Variants in TMEFF2 observed in about 807,000 individuals in gnomAD.
TMEFF2 encodes tomoregulin-2.
TMEFF2 carries 28 observed loss-of-function variants against 53.8 expected under a neutral mutation model. That is an observed-to-expected ratio of 0.52 (90% CI 0.39 to 0.71). The LOEUF (loss-of-function observed/expected upper bound fraction) is 0.71, where lower values mean the gene tolerates loss of function less well. Ranked by LOEUF, TMEFF2 falls within the 30% of genes least tolerant of loss-of-function variation. The probability of loss-of-function intolerance (pLI) is 0.00; values close to 1 mark genes in which losing one functional copy is unlikely to be tolerated. For synonymous variants in TMEFF2, 162 were observed against 166.3 expected, an observed-to-expected ratio of 0.97 and a Z score of 0.20; for missense variants, 353 against 455.2, an observed-to-expected ratio of 0.78 and a Z score of 2.04.
intron 4 of TMEFF2, among the ~76,000 whole-genome samples, chr2:192,169,118 G>A (rs994556486): frequency 6.6e-6 from 1 of 151,936 alleles, no homozygotes; most frequent in Non-Finnish European, 1.5e-5. Context: ...TAATATACAG[G>A]TATTAATAGT....
chr2:192,015,669 T>A (rs1418513224), intron 5 of TMEFF2, among the ~76,000 whole-genome samples: 1 of 152,150 alleles, frequency 6.6e-6, no homozygotes, highest in East Asian at 1.9e-4. Context: ...GACCACTTAA[T>A]AAGTAGCTGA....
intron 7 of TMEFF2, 131 bp downstream of exon 7, chr2:191,998,131 C>G: frequency 1.5e-6 from 1 of 667,820 alleles, no homozygotes; most frequent in Non-Finnish European, 2.4e-6. Context: ...AAAGCTTGAA[C>G]TAAGCAAGAG....
At chr2:192,183,175 A>T (rs1290459014) in intron 3 of TMEFF2, among the ~76,000 whole-genome samples, 1 of 152,008 alleles carries the variant, frequency 6.6e-6, no homozygotes, top group African/African-American at 2.4e-5. Flanking sequence ...CAAAACCAAA[A>T]CAAAACATCA....
intron 5 of TMEFF2, among the ~76,000 whole-genome samples, chr2:192,039,292 G>A (rs1475009714): frequency 6.6e-6 from 1 of 152,186 alleles, no homozygotes; most frequent in Non-Finnish European, 1.5e-5. Flanking sequence ...AGAAAGAACA[G>A]AATTGGTAGT....
At chr2:192,136,116 AT>A (rs1211545125) in intron 4 of TMEFF2, among the ~76,000 whole-genome samples, 1 of 152,110 alleles carries the variant, frequency 6.6e-6, no homozygotes, top group African/African-American at 2.4e-5. Flanking sequence ...ATGAAAGAGT[AT>A]TTTTCCTTTT....
intron 5 of TMEFF2, among the ~76,000 whole-genome samples, chr2:192,038,592 A>G (rs1233485624): frequency 4.6e-5 from 7 of 151,900 alleles, no homozygotes; most frequent in Non-Finnish European, 1.5e-5. Flanking sequence ...CCCCAGCTCA[A>G]GTGATCCTCC....
intron 2 of TMEFF2, among the ~76,000 whole-genome samples, chr2:192,186,893 T>C (rs1691328438): frequency 6.6e-6 from 1 of 152,148 alleles, no homozygotes; most frequent in Non-Finnish European, 1.5e-5. Flanking sequence ...CTGATATGCA[T>C]CTTAAAATAT....
chr2:192,003,781 G>T (rs1297800236), intron 5 of TMEFF2, among the ~76,000 whole-genome samples: 2 of 152,136 alleles, frequency 1.3e-5, no homozygotes, highest in Admixed American at 1.3e-4. Flanking sequence ...GAACTCTACT[G>T]AAATTACAAA....
chr2:192,035,428 A>G (rs1687265181), intron 5 of TMEFF2: 1 of 152,218 alleles, frequency 6.6e-6, no homozygotes, highest in Non-Finnish European at 1.5e-5. Context: ...GGAAATATTC[A>G]GTGAGTAGCA....
At chr2:191,970,640 A>G (rs1692608787) in intron 7 of TMEFF2, among the ~76,000 whole-genome samples, 1 of 152,098 alleles carries the variant, frequency 6.6e-6, no homozygotes, top group South Asian at 2.1e-4. Flanking sequence ...TGAGATAATA[A>G]ATTTCTGTAG....
intron 2 of TMEFF2, among the ~76,000 whole-genome samples, chr2:192,188,830 TCTATCTA>T (rs369107411): frequency 0.31 from 42,906 of 139,160 alleles, 6,876 homozygotes; most frequent in East Asian, 0.36. Context: ...CGCTTTTCTA[TCTATCTA>T]TCTATCTATC....
intron 4 of TMEFF2, chr2:192,177,983 A>C (rs1466065832): frequency 6.6e-6 from 1 of 150,970 alleles, no homozygotes; most frequent in African/African-American, 2.4e-5. Context: ...GAAGTACAGT[A>C]TGGTAGGATA....
chr2:192,068,609 A>G lies in TMEFF2; in HGVS notation c.440-10834T>C, dbSNP rs377173529. Among the ~76,000 whole-genome samples the G allele has an allele frequency of 1.8e-4, 27 of 151,954 alleles. No individual in the cohort carries two copies. In the East Asian group the frequency reaches 5.1e-3, roughly 28 times the overall value. On this transcript the variant is annotated intron_variant, in intron 4 of 9. Coordinates refer to ENST00000272771, the MANE Select transcript of TMEFF2 (RefSeq NM_016192.4). ...AGTGCACTGGACTTTGGATAAAAGA[A>G]AGCACTAAAGTGCTATTTTCTCTCT...
rs145230049 is a variant in TMEFF2 at position 192,117,454 on chromosome 2, T to C, written c.440-59679A>G. Among the ~76,000 whole-genome samples, 110 of 152,158 alleles carry C rather than the reference T, an allele frequency of 7.2e-4. 1 individual carries two copies. Among genetic ancestry groups the C allele is most frequent in the African/African-American group, 2.5e-3 (103 of 41,520 alleles). ...GGTAATTTATTTAATGGGATCCAAA[T>C]AGAACACTGGGGAAAGGAAAAACAA... is the stretch of plus-strand genomic sequence containing the variant. On this transcript the variant is annotated intron_variant, in intron 4 of 9. Coordinates refer to ENST00000272771, the MANE Select transcript of TMEFF2 (RefSeq NM_016192.4).
chr2:192,045,912 T>C (rs890740005), intron 5 of TMEFF2, among the ~76,000 whole-genome samples: 2 of 152,250 alleles, frequency 1.3e-5, no homozygotes, highest in African/African-American at 2.4e-5. Context: ...CTACCATCCA[T>C]GGACTTACGG....
At chr2:192,008,775 C>A (rs1002780440) in intron 5 of TMEFF2, among the ~76,000 whole-genome samples, 4 of 152,196 alleles carry the variant, frequency 2.6e-5, no homozygotes, top group African/African-American at 9.7e-5. Context: ...CATTCCCAAG[C>A]GCCAGGATTC....
chr2:192,053,309 T>C (rs1046815171), intron 5 of TMEFF2, among the ~76,000 whole-genome samples: 13 of 152,284 alleles, frequency 8.5e-5, no homozygotes, highest in Admixed American at 6.5e-4. Context: ...CATCTAACTA[T>C]GAAAACATGA....
chr2:192,164,022 A>G (rs904373680), intron 4 of TMEFF2, among the ~76,000 whole-genome samples: 3 of 152,088 alleles, frequency 2.0e-5, no homozygotes, highest in African/African-American at 7.2e-5. Context: ...CTGCTCCACT[A>G]TAATAATCTT....
chr2:192,134,663 A>G (rs964907976), intron 4 of TMEFF2, among the ~76,000 whole-genome samples: 1 of 152,164 alleles, frequency 6.6e-6, no homozygotes, highest in African/African-American at 2.4e-5. Context: ...TTTACTCAAC[A>G]TGCCCTGAGT....
Sources: allele counts gnomAD v4.1 joint callset (sites outside exome capture counted in the v4.1 genomes callset), GRCh38; gene constraint gnomAD v4.1.1; transcripts MANE v1.5; gene names NCBI Gene and HGNC (gene_info 2026-07-23, HGNC 2026-07-21).